PCDHGA9: variants seen among roughly 807,000 people sequenced by gnomAD.
PCDHGA9 encodes protocadherin gamma-A9.
A neutral mutation model predicts 62.5 loss-of-function variants in PCDHGA9; 37 were observed. That is an observed-to-expected ratio of 0.59 (90% CI 0.46 to 0.78). The LOEUF (loss-of-function observed/expected upper bound fraction) is 0.78, where lower values mean the gene tolerates loss of function less well. PCDHGA9 is among the 30% of genes least tolerant of loss of function. The pLI is 0.00. For missense variants in PCDHGA9, 1,138 were observed against 1,166.2 expected (o/e 0.98, Z 0.35); for synonymous variants, 459 against 484.6 (o/e 0.95, Z 0.69).
chr5:141,428,331 G>A, intron 1 of PCDHGA9: 2 of 625,576 alleles, frequency 3.2e-6, no homozygotes, highest in East Asian at 2.9e-5. Context: ...TGATTTCTAT[G>A]CTCTTCTTCC....
intron 1 of PCDHGA9, chr5:141,415,938 C>T (rs1351429284): frequency 3.4e-6 from 2 of 588,200 alleles, no homozygotes; most frequent in East Asian, 4.2e-5. Context: ...ATATTTCCTC[C>T]TGGGTGGTCA....
rs544565104 is a variant in PCDHGA9, at chr5:141,489,014, G to A, written c.2425-5793G>A. 2.5e-5 allele frequency: 11 copies of A among 433,976 alleles called. No individual in the cohort carries two copies. The highest frequency in any genetic ancestry group is 1.6e-4 in the Admixed American group (4 of 25,754). The allele number at this position is 433,976 out of a possible 1,614,324, so 26.9% of individuals were successfully genotyped here. On this transcript the variant is annotated intron_variant, in intron 1 of 3. Coordinates refer to ENST00000573521, the MANE Select transcript of PCDHGA9 (RefSeq NM_018921.3). This position sits in a 1 kb window ranked among gnomAD's most constrained non-coding sequence, Gnocchi z 4.5. ...GGTGGGAGATCTGCTCTTCCAGCCC[G>A]CCTCTCCTCCTCCAGCTCCCCAGCT... is the stretch of plus-strand genomic sequence containing the variant.
intron 1 of PCDHGA9, chr5:141,427,032 A>G (rs1227315080): frequency 2.2e-6 from 1 of 457,206 alleles, no homozygotes; most frequent in East Asian, 6.9e-5. Flanking sequence ...AGTCAGCCTT[A>G]GAGAGAATGT....
rs1399844519 is a variant in PCDHGA9 at position 141,477,484 on chromosome 5, A to G, written c.2425-17323A>G. 1.2e-6 allele frequency: 2 copies of G among 1,614,014 alleles called. No homozygotes were observed. The highest frequency in any genetic ancestry group is 1.7e-6 in the Non-Finnish European group (2 of 1,180,006). ...CCGACATCAATGACAACCCTCCACAATCTTCTCAATCTTCCTACGACGTTT... is the reference window on the plus strand; with the variant it reads ...CCGACATCAATGACAACCCTCCACAGTCTTCTCAATCTTCCTACGACGTTT... On this transcript the variant is annotated intron_variant, in intron 1 of 3. Coordinates refer to ENST00000573521, the MANE Select transcript of PCDHGA9 (RefSeq NM_018921.3). This position sits in a 1 kb window ranked among gnomAD's most constrained non-coding sequence, Gnocchi z 4.9.
chr5:141,490,045 C>T lies in PCDHGA9; in HGVS notation c.2425-4762C>T, dbSNP rs530803072. On this transcript the variant is annotated intron_variant, in intron 1 of 3. Transcript: ENST00000573521. The surrounding 1 kb of genome is among the most constrained non-coding windows in gnomAD (Gnocchi z 5.4). ...GCTGCTCCGCCTCAATGCCACTGAT[C>T]CAGACGAGGGCACCAACGGCCAACT... 1.2e-5 allele frequency: 19 copies of T among 1,614,114 alleles called. No individual in the cohort carries two copies. Among genetic ancestry groups the T allele is most frequent in the Admixed American group, 1.2e-4 (7 of 60,014 alleles).
intron 1 of PCDHGA9, chr5:141,416,320 A>G (rs1482631457): frequency 1.3e-5 from 2 of 152,208 alleles, no homozygotes; most frequent in East Asian, 1.9e-4. Flanking sequence ...TAGCATTTTA[A>G]TTTAACTTTC....
chr5:141,469,962 C>T (rs943032320), intron 1 of PCDHGA9, among the ~76,000 whole-genome samples: 8 of 152,134 alleles, frequency 5.3e-5, no homozygotes, highest in African/African-American at 1.9e-4. Flanking sequence ...GAAACCCCAT[C>T]TGTACCAAAA....
Position 141,432,075 on chromosome 5 carries a change from C to T in PCDHGA9, c.2424+26699C>T. On this transcript the variant is annotated intron_variant, in intron 1 of 3. Transcript: ENST00000573521. The surrounding 1 kb of genome is among the most constrained non-coding windows in gnomAD (Gnocchi z 6.0). ...CCCCTATCCACGGAAACTCATATCT[C>T]GCTGAACGTGGCAGACACCAACGAC... 3 of 1,614,204 alleles carry T rather than the reference C, an allele frequency of 1.9e-6. No homozygotes were observed. Among genetic ancestry groups the T allele is most frequent in the Non-Finnish European group, 2.5e-6 (3 of 1,180,046 alleles).
Position 141,491,260 on chromosome 5 carries a change from A to G in PCDHGA9, c.2425-3547A>G. On this transcript the variant is annotated intron_variant, in intron 1 of 3. Coordinates refer to ENST00000573521, the MANE Select transcript of PCDHGA9 (RefSeq NM_018921.3). This position sits in a 1 kb window ranked among gnomAD's most constrained non-coding sequence, Gnocchi z 6.9. ...TCTGGAGGATGAGGACCCTGAGGAA[A>G]TGCCCAAATCCAGTGACTTCCTCAT... 6.2e-7 allele frequency: 1 copy of G among 1,614,108 alleles called. No individual in the cohort carries two copies. The highest frequency in any genetic ancestry group is 1.7e-5 in the Admixed American group (1 of 60,028).
At position 141,489,985 on chromosome 5, in the gene PCDHGA9, G is replaced by C. The variant is rs761481986; in HGVS notation, c.2425-4822G>C. ...AACCTTCCAATCCTCAGTTCTACGT[G>C]TGGGAATCCCAGAGAATGCACCCAT... On this transcript the variant is annotated intron_variant, in intron 1 of 3. Coordinates refer to ENST00000573521, the MANE Select transcript of PCDHGA9 (RefSeq NM_018921.3). This position sits in a 1 kb window ranked among gnomAD's most constrained non-coding sequence, Gnocchi z 4.5. 3 of 1,614,212 alleles carry C rather than the reference G, an allele frequency of 1.9e-6. No individual in the cohort carries two copies. The East Asian group carries it at 6.7e-5, about 36-fold the overall frequency.
intron 1 of PCDHGA9, among the ~76,000 whole-genome samples, chr5:141,455,419 G>T (rs1462099602): frequency 6.6e-6 from 1 of 152,124 alleles, no homozygotes; most frequent in Non-Finnish European, 1.5e-5. Flanking sequence ...AGGGAGCGGG[G>T]CTCCAAAAGA....
chr5:141,478,163 C>G (rs779617960), intron 1 of PCDHGA9: 22 of 1,614,028 alleles, frequency 1.4e-5, no homozygotes, highest in Non-Finnish European at 1.9e-5. Context: ...TGGCTCTGCC[C>G]CCCGGGAGCA....
At chr5:141,445,805 A>G (rs2098478274) in intron 1 of PCDHGA9, among the ~76,000 whole-genome samples, 2 of 152,236 alleles carry the variant, frequency 1.3e-5, no homozygotes, top group South Asian at 4.1e-4. Flanking sequence ...GAAAATAAAT[A>G]GATGAAACTA....
chr5:141,414,938 C>G (rs1407853248), intron 1 of PCDHGA9: 1 of 1,614,116 alleles, frequency 6.2e-7, no homozygotes, highest in Admixed American at 1.7e-5. Flanking sequence ...TCCGCAGAGC[C>G]CGGCTACCTG....
intron 3 of PCDHGA9, among the ~76,000 whole-genome samples, chr5:141,510,691 T>C (rs1013489554): frequency 4.6e-5 from 7 of 152,138 alleles, no homozygotes; most frequent in African/African-American, 1.7e-4. Flanking sequence ...GGAGGTTAGG[T>C]AGACTTGCCC....
intron 1 of PCDHGA9, among the ~76,000 whole-genome samples, chr5:141,455,028 G>A (rs2098810519): frequency 6.6e-6 from 1 of 150,780 alleles, no homozygotes; most frequent in Non-Finnish European, 1.5e-5. Flanking sequence ...TAGCCAGGAT[G>A]GTCTCGATCT....
Position 141,485,436 on chromosome 5 carries a change from A to G in PCDHGA9, c.2425-9371A>G, listed in dbSNP as rs2099613369. On this transcript the variant is annotated intron_variant, in intron 1 of 3. Transcript: ENST00000573521. This position sits in a 1 kb window ranked among gnomAD's most constrained non-coding sequence, Gnocchi z 5.7. ...GACAGCGGAGCCCTGCTCATCAAGA[A>G]CCCAATCGACCGAGAGGCACTGTGT... 1.9e-6 allele frequency: 3 copies of G among 1,614,092 alleles called. No individual in the cohort carries two copies. The highest frequency in any genetic ancestry group is 2.7e-5 in the African/African-American group (2 of 74,934).
chr5:141,463,616 T>C (rs941383375), intron 1 of PCDHGA9, among the ~76,000 whole-genome samples: 28 of 151,762 alleles, frequency 1.8e-4, no homozygotes, highest in Non-Finnish European at 2.1e-4. Flanking sequence ...GCCCGGCTAA[T>C]TTTTTGTATT....
At chr5:141,421,843 G>C (rs769652818) in intron 1 of PCDHGA9, 1 of 1,613,798 alleles carries the variant, frequency 6.2e-7, no homozygotes, top group Non-Finnish European at 8.5e-7. Context: ...CCGAGAGAAA[G>C]AGGCTGCTCA....
Sources: gnomAD v4.1 joint callset for allele counts (sites outside exome capture counted in the v4.1 genomes callset) on GRCh38, gnomAD v4.1.1 for gene constraint, Gnocchi (gnomAD v3.1) non-coding constraint, MANE v1.5 for transcripts, NCBI Gene and HGNC (gene_info 2026-07-23, HGNC 2026-07-21) for gene names.